BBS9: variants seen among roughly 807,000 people sequenced by gnomAD.
BBS9 encodes protein PTHB1.
In BBS9, 89 loss-of-function variants were observed where a neutral mutation model predicts 117.7. The ratio of observed to expected loss-of-function variants is 0.76; its 90% confidence interval spans 0.64 to 0.90. The LOEUF (loss-of-function observed/expected upper bound fraction) is 0.90, where lower values mean the gene tolerates loss of function less well. Ranked by LOEUF, BBS9 falls within the 40% of genes least tolerant of loss-of-function variation. The probability of loss-of-function intolerance (pLI) is 0.00; values close to 1 mark genes in which losing one functional copy is unlikely to be tolerated. For synonymous variants in BBS9, 379 were observed against 370.9 expected (o/e 1.02, Z -0.25); for missense variants, 982 against 1,042.2 (o/e 0.94, Z 0.80).
At position 33,386,455 on chromosome 7, in the gene BBS9, CA is replaced by C. The variant is rs1826022608; in HGVS notation, c.1963-1536del. Among the ~76,000 whole-genome samples, 36 of 138,350 alleles carry C rather than the reference CA, an allele frequency of 2.6e-4. 2 individuals carry two copies. The highest frequency in any genetic ancestry group is 2.3e-3 in the Admixed American group (32 of 13,718). The allele number at this position is 138,350 out of a possible 152,430, so 90.8% of individuals were successfully genotyped here. On this transcript the variant is annotated intron_variant, in intron 18 of 22. Transcript: ENST00000242067. ...CCTGTGACTTTGACTAGCTTGCTTT[CA>C]TTTATTTATTTATTTATTTATTTAT...
At chr7:33,243,101 C>T in intron 5 of BBS9, 1 of 424,576 alleles carries the variant, frequency 2.4e-6, no homozygotes, top group Non-Finnish European at 4.7e-6. Flanking sequence ...ATTCGGAAGT[C>T]TTTCATTTGG....
chr7:33,177,408 G>A, intron 4 of BBS9, 70 bp from the exon 5 acceptor site: 2 of 1,014,100 alleles, frequency 2.0e-6, no homozygotes, highest in Non-Finnish European at 3.1e-6. Flanking sequence ...AATCGGAGTA[G>A]TGGATGAGAA....
intron 4 of BBS9, among the ~76,000 whole-genome samples, chr7:33,160,751 A>G (rs555631888): frequency 2.0e-5 from 3 of 152,272 alleles, no homozygotes; most frequent in Non-Finnish European, 4.4e-5. Flanking sequence ...TGTTGCTGCA[A>G]TGTAGATGGC....
In BBS9 at chr7:33,579,802, A is replaced by T. The variant is rs150295082; in HGVS notation, c.2522-25063A>T. ...GTCTAAGGCAAATGTTTGTTTAAAAATTTAAAACTAAGCAGTTTATGTTCA... is the reference window on the plus strand; with the variant it reads ...GTCTAAGGCAAATGTTTGTTTAAAATTTTAAAACTAAGCAGTTTATGTTCA... On this transcript the variant is annotated intron_variant, in intron 21 of 22. Transcript: ENST00000242067. 3.3e-5 allele frequency among the ~76,000 whole-genome samples: 5 copies of T among 152,288 alleles called. No individual in the cohort carries two copies. The East Asian group carries it at 9.7e-4, about 29-fold the overall frequency.
chr7:33,414,928 G>T (rs997552323), intron 19 of BBS9, among the ~76,000 whole-genome samples: 1 of 152,116 alleles, frequency 6.6e-6, no homozygotes, highest in Non-Finnish European at 1.5e-5. Context: ...TAGGGTAGTG[G>T]TTTTCACATT....
At chr7:33,549,731 C>A (rs1854050880) in intron 21 of BBS9, among the ~76,000 whole-genome samples, 1 of 152,108 alleles carries the variant, frequency 6.6e-6, no homozygotes, top group Non-Finnish European at 1.5e-5. Context: ...CAATGAGATA[C>A]CATCTCACAC....
intron 9 of BBS9, among the ~76,000 whole-genome samples, chr7:33,294,974 G>A (rs1804953333): frequency 6.6e-6 from 1 of 152,036 alleles, no homozygotes; most frequent in Admixed American, 6.6e-5. Context: ...TAGGTTTACT[G>A]TTACAATGAG....
rs138339185 is a variant in BBS9 at position 33,535,241 on chromosome 7, A to G, written c.2521+1065A>G. Among the ~76,000 whole-genome samples, 5 of 152,262 alleles carry G rather than the reference A, an allele frequency of 3.3e-5. No individual in the cohort carries two copies. In the East Asian group the frequency reaches 9.6e-4, roughly 29 times the overall value. Reference sequence around the variant, plus strand: ...TTTTCTAGAGTCTTCATGTCTTCCTAAAAAAATGAATGTAATAACGCTTGC... The same window carrying G: ...TTTTCTAGAGTCTTCATGTCTTCCTGAAAAAATGAATGTAATAACGCTTGC... On this transcript the variant is annotated intron_variant, in intron 21 of 22. Coordinates refer to ENST00000242067, the MANE Select transcript of BBS9 (RefSeq NM_198428.3).
intron 5 of BBS9, among the ~76,000 whole-genome samples, chr7:33,252,048 T>C (rs1796299855): frequency 6.6e-6 from 1 of 152,078 alleles, no homozygotes; most frequent in Non-Finnish European, 1.5e-5. Context: ...TGGGGAGGCC[T>C]CAGGAAACTT....
intron 21 of BBS9, among the ~76,000 whole-genome samples, chr7:33,569,452 T>C (rs1857419002): frequency 6.6e-6 from 1 of 151,938 alleles, no homozygotes; most frequent in South Asian, 2.1e-4. Flanking sequence ...TATGCAGATA[T>C]ATAAATGCAA....
intron 5 of BBS9, among the ~76,000 whole-genome samples, chr7:33,210,215 G>T (rs1562802062): frequency 6.6e-6 from 1 of 152,034 alleles, no homozygotes; most frequent in Non-Finnish European, 1.5e-5. Context: ...AATTCATCTT[G>T]TTGTTAATTT....
intron 21 of BBS9, among the ~76,000 whole-genome samples, chr7:33,586,242 A>G (rs1860866575): frequency 6.6e-6 from 1 of 152,108 alleles, no homozygotes; most frequent in Admixed American, 6.6e-5. Flanking sequence ...ACATGAACAG[A>G]TACTTCTAAA....
intron 21 of BBS9, among the ~76,000 whole-genome samples, chr7:33,626,568 A>G (rs1443213886): frequency 5.3e-5 from 8 of 152,242 alleles, no homozygotes; most frequent in Admixed American, 5.2e-4. Flanking sequence ...AGTGACATGA[A>G]CAATAAAGTC....
At chr7:33,238,351 C>T (rs190797417) in intron 5 of BBS9, among the ~76,000 whole-genome samples, 5 of 151,796 alleles carry the variant, frequency 3.3e-5, no homozygotes, top group East Asian at 3.9e-4. Flanking sequence ...AGTGCAATGG[C>T]GCGATCTTAG....
chr7:33,408,754 A>G (rs1330442218), intron 19 of BBS9, among the ~76,000 whole-genome samples: 1 of 152,200 alleles, frequency 6.6e-6, no homozygotes, highest in African/African-American at 2.4e-5. Context: ...GTTGAATGAT[A>G]GTTCAACTCT....
chr7:33,342,039 C>G (rs1298788450), intron 11 of BBS9, among the ~76,000 whole-genome samples: 1 of 152,012 alleles, frequency 6.6e-6, no homozygotes, highest in African/African-American at 2.4e-5. Flanking sequence ...ATTTGGAGTT[C>G]ATATCATATA....
chr7:33,243,038 A>G (rs140345851), intron 5 of BBS9: 181 of 516,166 alleles, frequency 3.5e-4, no homozygotes, highest in African/African-American at 3.1e-3. Context: ...GTTATAGAAT[A>G]GTTGGATGTG....
chr7:33,303,125 C>T (rs901670892), intron 9 of BBS9, among the ~76,000 whole-genome samples: 15 of 152,112 alleles, frequency 9.9e-5, no homozygotes, highest in African/African-American at 2.7e-4. Context: ...TTGTATTCTG[C>T]ACCTTTACTG....
chr7:33,464,090 G>T (rs930578178), intron 19 of BBS9, among the ~76,000 whole-genome samples: 1 of 151,968 alleles, frequency 6.6e-6, no homozygotes, highest in Non-Finnish European at 1.5e-5. Context: ...ATCCAAATTT[G>T]TGTAATGCTT....
Sources: gnomAD v4.1 joint callset for allele counts (sites outside exome capture counted in the v4.1 genomes callset) on GRCh38, gnomAD v4.1.1 for gene constraint, MANE v1.5 for transcripts, NCBI Gene and HGNC (gene_info 2026-07-23, HGNC 2026-07-21) for gene names.